The following ATP6V0A2 variants were observed in gnomAD, a reference collection of about 807,000 sequenced individuals.
ATP6V0A2 encodes V-type proton ATPase 116 kDa subunit a 2.
A neutral mutation model predicts 104.4 loss-of-function variants in ATP6V0A2; 58 were observed. The observed-to-expected ratio is 0.56, with a 90% CI of 0.45 to 0.69. The LOEUF (loss-of-function observed/expected upper bound fraction) is 0.69. Ranked by LOEUF, ATP6V0A2 falls within the 30% of genes least tolerant of loss-of-function variation. The pLI, the probability that ATP6V0A2 is intolerant of heterozygous loss-of-function variation, is 0.00. For synonymous variants in ATP6V0A2, 376 were observed against 397.9 expected, an observed-to-expected ratio of 0.95 and a Z score of 0.65; for missense variants, 938 against 1,062.9, an observed-to-expected ratio of 0.88 and a Z score of 1.63.
Position 123,756,828 on chromosome 12 carries a change from C to G in ATP6V0A2, c.2307C>G (p.Val769=), listed in dbSNP as rs755387557. The G allele has an allele frequency of 6.8e-6, 11 of 1,613,998 alleles. No homozygotes were observed. Among genetic ancestry groups the G allele is most frequent in the Non-Finnish European group, 8.5e-6 (10 of 1,180,044 alleles). The change falls in exon 19 of 20, where the codon GTC becomes GTG. Residue 769 remains valine (V), a synonymous_variant. Transcript: ENST00000330342. ...ACTCCTTTGCAGAGTTGTCTGATGT[C>G]CTGTGGGCCATGCTGATGCGCGTGG... ...LSLAHAQLSD[V]LWAMLMRVGL...
At position 123,744,449 on chromosome 12, in the gene ATP6V0A2, G is replaced by C. The variant is rs1956639842; in HGVS notation, c.1326+112G>C. ...TAGGCTGCGGCTGTGCTGGGCAGGT[G>C]TGTGGCCTGTCAGCTGCGGCTGACA... On this transcript the variant is annotated intron_variant, in intron 11 of 19. Coordinates refer to ENST00000330342, the MANE Select transcript of ATP6V0A2 (RefSeq NM_012463.4). This position sits in a 1 kb window ranked among gnomAD's most constrained non-coding sequence, Gnocchi z 5.4. 8 of 1,564,336 alleles carry C rather than the reference G, an allele frequency of 5.1e-6. No homozygotes were observed. Among genetic ancestry groups the C allele is most frequent in the Non-Finnish European group, 7.0e-6 (8 of 1,139,448 alleles).
intron 14 of ATP6V0A2, among the ~76,000 whole-genome samples, chr12:123,748,295 A>AT (rs1482799175): frequency 2.6e-5 from 4 of 152,186 alleles, no homozygotes; most frequent in African/African-American, 9.7e-5. Flanking sequence ...ATTCACTAAT[A>AT]TTGTGTAGCC....
At position 123,744,579 on chromosome 12, in the gene ATP6V0A2, C is replaced by T. The variant is rs915950411; in HGVS notation, c.1327-18C>T. 4 of 1,612,412 alleles carry T rather than the reference C, an allele frequency of 2.5e-6. No individual in the cohort carries two copies. Among genetic ancestry groups the T allele is most frequent in the African/African-American group, 1.3e-5 (1 of 74,988 alleles). On this transcript the variant is annotated intron_variant, in intron 11 of 19. Transcript: ENST00000330342. This position sits in a 1 kb window ranked among gnomAD's most constrained non-coding sequence, Gnocchi z 5.4. Reference sequence around the variant, plus strand: ...ACCCTCCAGTAACCATATTCTGCCCCCGCCTTGCCCTTCACAGATCATGAG... The same window carrying T: ...ACCCTCCAGTAACCATATTCTGCCCTCGCCTTGCCCTTCACAGATCATGAG...
Position 123,737,210 on chromosome 12 carries a change from C to T in ATP6V0A2, c.977C>T (p.Ala326Val). Reference protein sequence around the residue: ...SFDVTNKCLIAEVWCPEADLQ... With the variant: ...SFDVTNKCLIVEVWCPEADLQ... Reference sequence around the variant, plus strand: ...GACGTGACCAACAAGTGCCTCATTGCTGAGGTCTGGTGTCCCGAGGCGGAT... The same window carrying T: ...GACGTGACCAACAAGTGCCTCATTGTTGAGGTCTGGTGTCCCGAGGCGGAT... Residue 326 changes from alanine to valine, a missense_variant, in exon 9 of 20, where the codon GCT becomes GTT. Coordinates refer to ENST00000330342, the MANE Select transcript of ATP6V0A2 (RefSeq NM_012463.4). The T allele has an allele frequency of 6.2e-7, 1 of 1,614,182 alleles. No individual in the cohort carries two copies. Among genetic ancestry groups the T allele is most frequent in the Non-Finnish European group, 8.5e-7 (1 of 1,180,038 alleles).
intron 17 of ATP6V0A2, 199 bp from the exon 18 acceptor site, chr12:123,754,221 G>A: frequency 3.2e-6 from 2 of 618,504 alleles, no homozygotes; most frequent in Non-Finnish European, 5.8e-6. Context: ...GGGTGGTAAA[G>A]TCTGGTCATG....
chr12:123,727,634 T>C, intron 5 of ATP6V0A2, 149 bp from the exon 6 acceptor site: 2 of 930,688 alleles, frequency 2.1e-6, no homozygotes, highest in Non-Finnish European at 3.4e-6. Flanking sequence ...TTCAAAAATA[T>C]TCTGACCAGC....
In ATP6V0A2 at chr12:123,761,301, A is replaced by G. The variant is rs567165258; in HGVS notation, c.*3269A>G. 4.6e-5 allele frequency: 7 copies of G among 152,382 alleles called. No homozygotes were observed. The highest frequency in any genetic ancestry group is 1.2e-4 in the African/African-American group (5 of 41,586). The allele number at this position is 152,382 out of a possible 1,614,324, so 9.4% of individuals were successfully genotyped here. ...ATATTCAGACGTTTTAGAGCCTGAT[A>G]CATTTTGGAAAAGAAAAACAACTTC... On this transcript the variant is annotated 3_prime_UTR_variant, in exon 20 of 20. Transcript: ENST00000330342.
chr12:123,751,306 A>G (rs930310390), intron 16 of ATP6V0A2, 77 bp downstream of exon 16: 10 of 1,603,114 alleles, frequency 6.2e-6, no homozygotes, highest in Middle Eastern at 1.7e-4. Flanking sequence ...TGTAGAAAAC[A>G]CCTCCTGGAG....
chr12:123,720,562 C>T (rs1956389641), intron 2 of ATP6V0A2, among the ~76,000 whole-genome samples: 1 of 152,098 alleles, frequency 6.6e-6, no homozygotes, highest in Non-Finnish European at 1.5e-5. Flanking sequence ...GGCATGGTGA[C>T]ATGTGCCTGT....
chr12:123,726,183 A>T lies in ATP6V0A2; in HGVS notation c.433-14A>T, dbSNP rs778800213. ...TTTAATGAGACACACTTGGTTTCAT[A>T]TGTTTATTTCTAGTTTGAACCCACT... On this transcript the variant is annotated splice_polypyrimidine_tract_variant and intron_variant, in intron 4 of 19. Coordinates refer to ENST00000330342, the MANE Select transcript of ATP6V0A2 (RefSeq NM_012463.4). 2 of 1,575,560 alleles carry T rather than the reference A, an allele frequency of 1.3e-6. No homozygotes were observed. The highest frequency in any genetic ancestry group is 1.4e-5 in the African/African-American group (1 of 74,038).
intron 14 of ATP6V0A2, among the ~76,000 whole-genome samples, 153 bp from the exon 15 acceptor site, chr12:123,748,422 G>A (rs1428582540): frequency 6.6e-6 from 1 of 152,252 alleles, no homozygotes; most frequent in East Asian, 1.9e-4. Flanking sequence ...CCTCGTAGAT[G>A]TATCTGGACA....
chr12:123,728,480 C>T (rs928057977), intron 6 of ATP6V0A2, among the ~76,000 whole-genome samples: 1 of 151,348 alleles, frequency 6.6e-6, no homozygotes, highest in Non-Finnish European at 1.5e-5. Context: ...GAGCCATCCT[C>T]CTGCCTTGGC....
At chr12:123,743,280 C>T (rs1956626431) in intron 9 of ATP6V0A2, among the ~76,000 whole-genome samples, 1 of 152,204 alleles carries the variant, frequency 6.6e-6, no homozygotes, top group African/African-American at 2.4e-5. Flanking sequence ...ATGGACTTTT[C>T]CTCCAGGCCC....
intron 6 of ATP6V0A2, among the ~76,000 whole-genome samples, chr12:123,729,737 A>T (rs956195814): frequency 6.6e-6 from 1 of 152,170 alleles, no homozygotes; most frequent in Non-Finnish European, 1.5e-5. Flanking sequence ...TGGCCTCAGG[A>T]ATTTTGGCTG....
intron 6 of ATP6V0A2, among the ~76,000 whole-genome samples, chr12:123,729,284 C>T (rs1275903892): frequency 6.9e-6 from 1 of 144,202 alleles, no homozygotes; most frequent in Non-Finnish European, 1.5e-5. Context: ...CAATTCCTCT[C>T]ACACGGCTCT....
intron 7 of ATP6V0A2, among the ~76,000 whole-genome samples, chr12:123,734,788 T>C (rs111631552): frequency 0.01 from 1,528 of 152,322 alleles, 19 homozygotes; most frequent in African/African-American, 0.034. Flanking sequence ...TGGTTCTCAA[T>C]TGGTGGAATA....
chr12:123,755,014 CAT>C (rs1032994885), intron 18 of ATP6V0A2, among the ~76,000 whole-genome samples: 16 of 152,334 alleles, frequency 1.1e-4, no homozygotes, highest in Middle Eastern at 3.4e-3. Context: ...GTAATGCACA[CAT>C]GTTAGTTTCC....
intron 1 of ATP6V0A2, among the ~76,000 whole-genome samples, chr12:123,718,007 C>T (rs921721044): frequency 6.6e-6 from 1 of 152,026 alleles, no homozygotes; most frequent in South Asian, 2.1e-4. Context: ...TCCATCCAAC[C>T]TCTGCCTCTC....
At chr12:123,742,154 C>T (rs1289587412) in intron 9 of ATP6V0A2, among the ~76,000 whole-genome samples, 2 of 152,250 alleles carry the variant, frequency 1.3e-5, no homozygotes, top group African/African-American at 2.4e-5. Context: ...ACTTCACTGC[C>T]CATGGCCCCT....
Sources: allele counts gnomAD v4.1 joint callset (sites outside exome capture counted in the v4.1 genomes callset), GRCh38; gene constraint gnomAD v4.1.1; non-coding constraint Gnocchi (gnomAD v3.1); transcripts MANE v1.5; gene names NCBI Gene and HGNC (gene_info 2026-07-23, HGNC 2026-07-21).